The following CCDC171 variants were observed in gnomAD, a reference collection of about 807,000 sequenced individuals.
CCDC171 encodes coiled-coil domain-containing protein 171.
CCDC171 carries 177 observed loss-of-function variants against 168.2 expected under a neutral mutation model. The observed-to-expected ratio is 1.05, with a 90% confidence interval of 0.93 to 1.19. CCDC171 has a LOEUF of 1.19. CCDC171 is among the 50% of genes most tolerant of loss of function. The pLI is 0.00. For synonymous variants in CCDC171, 687 were observed against 540.8 expected (o/e 1.27, Z -3.75); for missense variants, 1,991 against 1,539.0 (o/e 1.29, Z -4.91).
intron 25 of CCDC171, among the ~76,000 whole-genome samples, chr9:15,958,899 A>G (rs1184663967): frequency 2.0e-5 from 3 of 152,166 alleles, no homozygotes; most frequent in Non-Finnish European, 4.4e-5. Context: ...ACACACAGCA[A>G]AAAGCAAGAA....
intron 7 of CCDC171, among the ~76,000 whole-genome samples, chr9:15,627,053 A>G (rs919326598): frequency 1.3e-5 from 2 of 152,106 alleles, no homozygotes; most frequent in Admixed American, 1.3e-4. Context: ...GGGAGGGTGT[A>G]TGTGTCGAGG....
At chr9:15,784,439 T>G in intron 20 of CCDC171, 70 bp from the exon 21 acceptor site, 1 of 972,690 alleles carries the variant, frequency 1.0e-6, no homozygotes, top group Non-Finnish European at 1.5e-6. Context: ...TTCCTTTAGT[T>G]TTGAAGGTGA....
intron 21 of CCDC171, among the ~76,000 whole-genome samples, chr9:15,792,895 C>G (rs1178739543): frequency 6.6e-6 from 1 of 152,060 alleles, no homozygotes; most frequent in Admixed American, 6.6e-5. Flanking sequence ...ACCATCGAGG[C>G]TAGGAAGAAA....
In CCDC171 at chr9:15,632,365, T is replaced by C. The variant is rs1160014716; in HGVS notation, c.822+8952T>C. On this transcript the variant is annotated intron_variant, in intron 7 of 25. Coordinates refer to ENST00000380701, the MANE Select transcript of CCDC171 (RefSeq NM_173550.4). ...AATGTACAAAAATCACAAGCATTCT[T>C]ATACACCAATAACAGACAAACAGAG... Among the ~76,000 whole-genome samples the C allele has an allele frequency of 2.0e-5, 3 of 151,948 alleles. No homozygotes were observed. In the East Asian group the frequency reaches 5.8e-4, roughly 29 times the overall value.
In CCDC171 at chr9:15,801,749, G is replaced by T. The variant is rs890668752; in HGVS notation, c.3267+17055G>T. 2.6e-5 allele frequency among the ~76,000 whole-genome samples: 4 copies of T among 151,984 alleles called. No homozygotes were observed. The East Asian group carries it at 7.7e-4, about 29-fold the overall frequency. Reference sequence around the variant, plus strand: ...CCCTATTCAGTATGATACTAGCTGTGGGTCTGTCATATATGGCTTTTATTA... The same window carrying T: ...CCCTATTCAGTATGATACTAGCTGTTGGTCTGTCATATATGGCTTTTATTA... On this transcript the variant is annotated intron_variant, in intron 21 of 25. Coordinates refer to ENST00000380701, the MANE Select transcript of CCDC171 (RefSeq NM_173550.4).
At chr9:15,935,696 G>A (rs1177742613) in intron 25 of CCDC171, among the ~76,000 whole-genome samples, 3 of 152,024 alleles carry the variant, frequency 2.0e-5, no homozygotes, top group Non-Finnish European at 4.4e-5. Context: ...ATGTATTAGC[G>A]TATTTGTAAG....
intron 9 of CCDC171, among the ~76,000 whole-genome samples, chr9:15,677,012 G>T (rs976074428): frequency 6.6e-6 from 1 of 152,106 alleles, no homozygotes; most frequent in Non-Finnish European, 1.5e-5. Context: ...TTTGTTCCCA[G>T]TGTTCTGAAA....
intron 24 of CCDC171, among the ~76,000 whole-genome samples, chr9:15,899,909 G>C (rs566775981): frequency 6.6e-6 from 1 of 151,500 alleles, no homozygotes; most frequent in Non-Finnish European, 1.5e-5. Context: ...TTTTGATTTT[G>C]TGTCTAAGAA....
intron 1 of CCDC171, among the ~76,000 whole-genome samples, chr9:15,556,447 T>TA (rs2038804774): frequency 6.6e-6 from 1 of 152,160 alleles, no homozygotes; most frequent in Non-Finnish European, 1.5e-5. Flanking sequence ...TGGTGTGAGA[T>TA]GGTATCTCAT....
At chr9:16,071,613 G>T in the CCDC171 span, among the ~76,000 whole-genome samples, 1 of 152,328 alleles carries the variant, frequency 6.6e-6, no homozygotes, top group South Asian at 2.1e-4. Flanking sequence ...AGCTGGCTGA[G>T]GTTGGTATGT....
intron 21 of CCDC171, among the ~76,000 whole-genome samples, chr9:15,814,649 A>G (rs2059491627): frequency 6.6e-6 from 1 of 152,012 alleles, no homozygotes; most frequent in African/African-American, 2.4e-5. Flanking sequence ...TATAACTTAC[A>G]ATTGCGTATG....
At chr9:15,631,625 A>C (rs372428366) in intron 7 of CCDC171, among the ~76,000 whole-genome samples, 2 of 152,234 alleles carry the variant, frequency 1.3e-5, no homozygotes, top group East Asian at 1.9e-4. Context: ...TTCTGAAACT[A>C]TTCCAGTCAA....
rs12375691 is a variant in CCDC171 at position 15,601,875 on chromosome 9, C to A, written c.675+7703C>A. Among the ~76,000 whole-genome samples, 657 of 152,222 alleles carry A rather than the reference C, an allele frequency of 4.3e-3. 4 individuals carry two copies. The highest frequency in any genetic ancestry group is 7.1e-3 in the Non-Finnish European group (483 of 68,018). The stretch of plus-strand genomic sequence containing the variant: ...AAATTTATAAAATATAATTCAAAGG[C>A]CTGTGTATAAATATGTGGATGATGT... On this transcript the variant is annotated intron_variant, in intron 6 of 25. Transcript: ENST00000380701.
At chr9:15,616,859 C>G (rs1194281847) in intron 6 of CCDC171, among the ~76,000 whole-genome samples, 1 of 152,172 alleles carries the variant, frequency 6.6e-6, no homozygotes, top group Non-Finnish European at 1.5e-5. Context: ...GCCATTCTCA[C>G]ATTGCTATGA....
intron 1 of CCDC171, among the ~76,000 whole-genome samples, chr9:16,052,983 C>T (rs571697731): frequency 2.0e-5 from 3 of 152,226 alleles, no homozygotes; most frequent in Admixed American, 6.5e-5. Context: ...CCTAAGATCC[C>T]TCTCCCTCGC....
rs1831463555 is a variant in CCDC171 at position 15,972,674 on chromosome 9, A to C, written c.*838A>C. 6.6e-6 allele frequency: 1 copy of C among 152,198 alleles called. No homozygotes were observed. Among genetic ancestry groups the C allele is most frequent in the Non-Finnish European group, 1.5e-5 (1 of 68,040 alleles). The allele number at this position is 152,198 out of a possible 1,614,324, so 9.4% of individuals were successfully genotyped here. On this transcript the variant is annotated 3_prime_UTR_variant, in exon 26 of 26. Transcript: ENST00000380701. ...CAAGGTAATGGCTGTTTTGACCTTC[A>C]AAATAGACTCCTTTTTTGTTTTTGT...
chr9:15,701,623 G>A (rs1418261245), intron 11 of CCDC171, among the ~76,000 whole-genome samples: 3 of 139,746 alleles, frequency 2.1e-5, no homozygotes, highest in African/African-American at 5.2e-5. Context: ...ACTGTTGTCC[G>A]GGCTGGAGCG....
intron 7 of CCDC171, among the ~76,000 whole-genome samples, chr9:15,634,802 C>G (rs2046072055): frequency 6.6e-6 from 1 of 152,152 alleles, no homozygotes; most frequent in Non-Finnish European, 1.5e-5. Context: ...CATCACTTTC[C>G]TATTCCCCTT....
chr9:15,844,959 G>A lies in CCDC171; in HGVS notation c.3268-1743G>A, dbSNP rs183084139. ...CACCAATATGCACCTCTAGTCATAA[G>A]AGTTATTGAGCAGAAGAATTTGAAT... On this transcript the variant is annotated intron_variant, in intron 21 of 25. Transcript: ENST00000380701. Among the ~76,000 whole-genome samples the A allele has an allele frequency of 3.9e-5, 6 of 152,164 alleles. No homozygotes were observed. The East Asian group carries it at 5.8e-4, about 15-fold the overall frequency.
Sources: gnomAD v4.1 joint callset for allele counts (sites outside exome capture counted in the v4.1 genomes callset) on GRCh38, gnomAD v4.1.1 for gene constraint, MANE v1.5 for transcripts, NCBI Gene and HGNC (gene_info 2026-07-23, HGNC 2026-07-21) for gene names.